Variants in PAFAH2 observed in about 807,000 individuals in gnomAD.
PAFAH2 encodes platelet-activating factor acetylhydrolase 2, cytoplasmic.
In PAFAH2, 42 loss-of-function variants were observed where a neutral mutation model predicts 49.0. That is an observed-to-expected ratio of 0.86 (90% CI 0.67 to 1.11). The LOEUF (loss-of-function observed/expected upper bound fraction) is 1.11. PAFAH2 is among the 50% of genes least tolerant of loss of function. PAFAH2 has a pLI of 0.00. For missense variants in PAFAH2, 503 were observed against 501.8 expected, an observed-to-expected ratio of 1.00 and a Z score of -0.02; for synonymous variants, 184 against 181.3, an observed-to-expected ratio of 1.01 and a Z score of -0.12.
chr1:25,998,003 T>C (rs1320589803), intron 1 of PAFAH2, 22 bp downstream of exon 1: 1 of 152,160 alleles, frequency 6.6e-6, no homozygotes, highest in Non-Finnish European at 1.5e-5. Flanking sequence ...GAGATATAGG[T>C]GTTTTCTCCA....
chr1:25,988,372 G>A (rs761295283), intron 3 of PAFAH2, 45 bp from the exon 4 acceptor site: 1 of 1,451,558 alleles, frequency 6.9e-7, no homozygotes. Context: ...CCCCAAAGCT[G>A]TTATCCCAAG....
intron 4 of PAFAH2, among the ~76,000 whole-genome samples, chr1:25,987,394 T>C (rs2124360654): frequency 6.6e-6 from 1 of 152,036 alleles, no homozygotes; most frequent in African/African-American, 2.4e-5. Flanking sequence ...AAACTAGACA[T>C]ATATGTTGAT....
At chr1:25,967,785 G>A (rs1393135832) in intron 10 of PAFAH2, among the ~76,000 whole-genome samples, 1 of 152,132 alleles carries the variant, frequency 6.6e-6, no homozygotes, top group African/African-American at 2.4e-5. Context: ...CAACTGCAGG[G>A]GATATTGAGG....
chr1:25,991,635 G>A (rs528428431), intron 1 of PAFAH2, among the ~76,000 whole-genome samples: 5 of 148,826 alleles, frequency 3.4e-5, no homozygotes, highest in Non-Finnish European at 7.5e-5. Flanking sequence ...GCTCACGCCT[G>A]TAATCCAAGC....
intron 4 of PAFAH2, 141 bp downstream of exon 4, chr1:25,988,090 A>G: frequency 1.7e-6 from 1 of 599,860 alleles, no homozygotes; most frequent in Non-Finnish European, 2.9e-6. Flanking sequence ...GGTGAACCCA[A>G]TGCTATGGGA....
At chr1:25,975,194 T>C (rs555349333) in intron 8 of PAFAH2, among the ~76,000 whole-genome samples, 1 of 152,244 alleles carries the variant, frequency 6.6e-6, no homozygotes, top group East Asian at 1.9e-4. Context: ...GATTTTGCCA[T>C]TTCCTTCCTC....
At chr1:25,984,259 A>G in intron 5 of PAFAH2, 172 bp from the exon 6 acceptor site, 1 of 852,308 alleles carries the variant, frequency 1.2e-6, no homozygotes, top group African/African-American at 1.7e-5. Flanking sequence ...TTAGAGACAG[A>G]CCTGGGTTTG....
At chr1:25,981,671 T>C (rs1248352157) in intron 7 of PAFAH2, among the ~76,000 whole-genome samples, 1 of 152,208 alleles carries the variant, frequency 6.6e-6, no homozygotes, top group Non-Finnish European at 1.5e-5. Context: ...GAGACCCACG[T>C]AGGGTCACAG....
At chr1:25,990,933 TA>T in intron 1 of PAFAH2, 70 bp from the exon 2 acceptor site, 4 of 756,128 alleles carry the variant, frequency 5.3e-6, no homozygotes, top group Non-Finnish European at 9.2e-6. Context: ...TGAAATGTGT[TA>T]TCTGTTACCC....
chr1:25,979,390 A>G (rs2049646479), intron 7 of PAFAH2, among the ~76,000 whole-genome samples: 1 of 149,388 alleles, frequency 6.7e-6, no homozygotes, highest in Admixed American at 6.7e-5. Flanking sequence ...ATCTTGGCTC[A>G]CTGCAACCTC....
intron 1 of PAFAH2, among the ~76,000 whole-genome samples, chr1:25,995,858 T>G (rs1359544183): frequency 6.6e-6 from 1 of 152,224 alleles, no homozygotes; most frequent in East Asian, 1.9e-4. Flanking sequence ...TGGGACTCAA[T>G]AAATGTTCCT....
At chr1:25,971,559 T>C (rs1285943176) in intron 10 of PAFAH2, among the ~76,000 whole-genome samples, 1 of 151,588 alleles carries the variant, frequency 6.6e-6, no homozygotes, top group African/African-American at 2.4e-5. Context: ...GAAAAAGAGA[T>C]GTCGTGAGAG....
intron 7 of PAFAH2, among the ~76,000 whole-genome samples, chr1:25,981,052 AAG>A (rs1265115600): frequency 6.6e-6 from 1 of 152,166 alleles, no homozygotes; most frequent in African/African-American, 2.4e-5. Context: ...GCTTGAGCCT[AAG>A]AGTTTGAGTC....
In PAFAH2 at chr1:25,968,519, T is replaced by G. The variant is rs527776967; in HGVS notation, c.1084+4039A>C. Among the ~76,000 whole-genome samples the G allele has an allele frequency of 1.4e-4, 21 of 152,138 alleles. No homozygotes were observed. In the South Asian group the frequency reaches 4.4e-3, roughly 32 times the overall value. On this transcript the variant is annotated intron_variant, in intron 10 of 10. Coordinates refer to ENST00000374282, the MANE Select transcript of PAFAH2 (RefSeq NM_000437.4). Reference sequence around the variant, plus strand: ...AGAGTAGGTGGAGACAGGAGCTGCATGGAGTTAATATGAAGGAAGCACCAG... The same window carrying G: ...AGAGTAGGTGGAGACAGGAGCTGCAGGGAGTTAATATGAAGGAAGCACCAG...
At chr1:25,995,985 CCT>C (rs533959792) in intron 1 of PAFAH2, among the ~76,000 whole-genome samples, 188 of 152,242 alleles carry the variant, frequency 1.2e-3, no homozygotes, top group Admixed American at 2.6e-3. Flanking sequence ...GAATTCTACC[CCT>C]GTCACTTATT....
chr1:25,966,667 A>G (rs544763026), intron 10 of PAFAH2, among the ~76,000 whole-genome samples: 1 of 152,204 alleles, frequency 6.6e-6, no homozygotes, highest in Admixed American at 6.5e-5. Flanking sequence ...TACCTACTGG[A>G]TACAATGTTC....
chr1:25,992,219 C>G (rs921221982), intron 1 of PAFAH2, among the ~76,000 whole-genome samples: 1 of 152,170 alleles, frequency 6.6e-6, no homozygotes, highest in East Asian at 1.9e-4. Context: ...GTAAGAGCCA[C>G]CACACCCAGC....
intron 10 of PAFAH2, among the ~76,000 whole-genome samples, chr1:25,967,739 G>C (rs2049448246): frequency 6.6e-6 from 1 of 152,172 alleles, no homozygotes; most frequent in Admixed American, 6.5e-5. Flanking sequence ...ACATTCTTTT[G>C]AGTTTTGCTG....
At chr1:25,971,868 C>G (rs908098800) in intron 10 of PAFAH2, among the ~76,000 whole-genome samples, 1 of 152,130 alleles carries the variant, frequency 6.6e-6, no homozygotes, top group Non-Finnish European at 1.5e-5. Flanking sequence ...CTTTAAAACA[C>G]TTCCATAAAT....
Sources: gnomAD v4.1 joint callset for allele counts (sites outside exome capture counted in the v4.1 genomes callset) on GRCh38, gnomAD v4.1.1 for gene constraint, MANE v1.5 for transcripts, NCBI Gene and HGNC (gene_info 2026-07-23, HGNC 2026-07-21) for gene names.